AHCYL2: variants seen among roughly 807,000 people sequenced by gnomAD.
AHCYL2 encodes adenosylhomocysteinase like 2.
AHCYL2 carries 28 observed loss-of-function variants against 81.4 expected under a neutral mutation model. The observed-to-expected ratio is 0.34, with a 90% confidence interval of 0.25 to 0.47. AHCYL2 has a LOEUF of 0.47. Ranked by LOEUF, AHCYL2 falls within the 20% of genes least tolerant of loss-of-function variation. The pLI is 1.00. For missense variants in AHCYL2, 551 were observed against 785.1 expected (o/e 0.70, Z 3.56); for synonymous variants, 272 against 290.2 (o/e 0.94, Z 0.64).
At chr7:129,229,648 G>C (rs530329474) in intron 1 of AHCYL2, among the ~76,000 whole-genome samples, 1 of 152,302 alleles carries the variant, frequency 6.6e-6, no homozygotes, top group Non-Finnish European at 1.5e-5. Flanking sequence ...GAACTCTAAG[G>C]CGTGTCTGTC....
intron 1 of AHCYL2, among the ~76,000 whole-genome samples, chr7:129,254,445 T>G (rs960041117): frequency 2.8e-4 from 43 of 152,354 alleles, no homozygotes; most frequent in African/African-American, 1.0e-3. Context: ...GACTTCTTAG[T>G]ACAACATGTT....
At chr7:129,405,997 C>T (rs1266399074) in intron 9 of AHCYL2, 98 bp downstream of exon 9, 2 of 1,134,624 alleles carry the variant, frequency 1.8e-6, no homozygotes, top group East Asian at 4.8e-5. Flanking sequence ...ACACCCTTTA[C>T]CACTTTAGAT....
intron 5 of AHCYL2, among the ~76,000 whole-genome samples, chr7:129,399,464 G>T (rs1305877024): frequency 1.3e-5 from 2 of 151,186 alleles, no homozygotes; most frequent in Non-Finnish European, 3.0e-5. Context: ...AAAAAGAAAA[G>T]AAAAGTTAAG....
At chr7:129,304,231 A>G (rs2150766833) in intron 1 of AHCYL2, among the ~76,000 whole-genome samples, 1 of 152,180 alleles carries the variant, frequency 6.6e-6, no homozygotes, top group African/African-American at 2.4e-5. Flanking sequence ...GTTTTATTCC[A>G]TTGTGGTCAG....
intron 1 of AHCYL2, among the ~76,000 whole-genome samples, chr7:129,286,770 T>A (rs1012830096): frequency 1.4e-5 from 2 of 144,746 alleles, no homozygotes; most frequent in Non-Finnish European, 3.1e-5. Flanking sequence ...TCCTTTACAC[T>A]CTTAAAAATT....
chr7:129,255,375 CTT>C (rs1336372639), intron 1 of AHCYL2, among the ~76,000 whole-genome samples: 1 of 152,090 alleles, frequency 6.6e-6, no homozygotes, highest in Non-Finnish European at 1.5e-5. Flanking sequence ...ATTAAGATAT[CTT>C]TTTAATTTTG....
chr7:129,290,077 A>G (rs1796782459), intron 1 of AHCYL2, among the ~76,000 whole-genome samples: 1 of 151,930 alleles, frequency 6.6e-6, no homozygotes, highest in African/African-American at 2.4e-5. Flanking sequence ...GCCCAGTGGC[A>G]TATATATTTC....
chr7:129,232,106 A>G (rs750935327), intron 1 of AHCYL2, among the ~76,000 whole-genome samples: 1 of 152,134 alleles, frequency 6.6e-6, no homozygotes, highest in Non-Finnish European at 1.5e-5. Context: ...AACTAGCTTC[A>G]TCTTCTCTGC....
At chr7:129,363,884 G>A (rs144816671) in intron 1 of AHCYL2, among the ~76,000 whole-genome samples, 52 of 151,896 alleles carry the variant, frequency 3.4e-4, no homozygotes, top group Non-Finnish European at 5.7e-4. Context: ...TTCTTCTGTG[G>A]TTTAACACTA....
At chr7:129,423,041 A>C in intron 13 of AHCYL2, 103 bp downstream of exon 13, 2 of 876,064 alleles carry the variant, frequency 2.3e-6, no homozygotes, top group Non-Finnish European at 3.5e-6. Context: ...TCCTCTGTTA[A>C]GCACAAGTTT....
chr7:129,405,349 C>T (rs1451570785), intron 8 of AHCYL2, 136 bp downstream of exon 8: 3 of 497,034 alleles, frequency 6.0e-6, no homozygotes, highest in African/African-American at 3.9e-5. Flanking sequence ...TTTGTCACCT[C>T]ATAAATTAAA....
chr7:129,399,396 G>A (rs944052845), intron 5 of AHCYL2, among the ~76,000 whole-genome samples: 2 of 151,096 alleles, frequency 1.3e-5, no homozygotes, highest in Non-Finnish European at 2.9e-5. Flanking sequence ...GCAGTGAGCC[G>A]AGATTATGCC....
At chr7:129,395,322 C>G (rs1314776980) in intron 4 of AHCYL2, among the ~76,000 whole-genome samples, 1 of 152,148 alleles carries the variant, frequency 6.6e-6, no homozygotes, top group Non-Finnish European at 1.5e-5. Flanking sequence ...ACGGTGAGGG[C>G]AAGTGGGGTT....
intron 1 of AHCYL2, among the ~76,000 whole-genome samples, chr7:129,290,644 A>G (rs1172222780): frequency 6.6e-6 from 1 of 150,950 alleles, no homozygotes; most frequent in Non-Finnish European, 1.5e-5. Flanking sequence ...TTAAAAAGTG[A>G]ATGTGGCCGG....
intron 1 of AHCYL2, among the ~76,000 whole-genome samples, chr7:129,263,134 G>A (rs1283217828): frequency 2.0e-5 from 3 of 152,164 alleles, no homozygotes; most frequent in African/African-American, 4.8e-5. Flanking sequence ...AGTCTGTTAT[G>A]TTGTGGTTAC....
At chr7:129,275,225 AT>A (rs1163855938) in intron 1 of AHCYL2, among the ~76,000 whole-genome samples, 1 of 152,008 alleles carries the variant, frequency 6.6e-6, no homozygotes, top group Admixed American at 6.6e-5. Context: ...TCTACTAAAA[AT>A]ACAAAAATTA....
chr7:129,293,331 T>C (rs1031345479), intron 1 of AHCYL2, among the ~76,000 whole-genome samples: 1 of 152,208 alleles, frequency 6.6e-6, no homozygotes, highest in Non-Finnish European at 1.5e-5. Flanking sequence ...ATAAAAGTTA[T>C]ATACAAATAT....
intron 1 of AHCYL2, among the ~76,000 whole-genome samples, chr7:129,355,795 A>C (rs1793716120): frequency 1.3e-5 from 2 of 152,186 alleles, no homozygotes; most frequent in Non-Finnish European, 2.9e-5. Context: ...TGGATGTAAA[A>C]AGATCTGCTT....
At chr7:129,421,421 C>T (rs1172226775) in intron 12 of AHCYL2, among the ~76,000 whole-genome samples, 1 of 152,122 alleles carries the variant, frequency 6.6e-6, no homozygotes, top group Non-Finnish European at 1.5e-5. Flanking sequence ...ACATTTTTCA[C>T]TATTACAAAT....
Sources: gnomAD v4.1 joint callset for allele counts (sites outside exome capture counted in the v4.1 genomes callset) on GRCh38, gnomAD v4.1.1 for gene constraint, MANE v1.5 for transcripts, NCBI Gene and HGNC (gene_info 2026-07-23, HGNC 2026-07-21) for gene names.